The following STAU1 variants were observed in gnomAD, a reference collection of about 807,000 sequenced individuals.
STAU1 encodes the protein double-stranded RNA-binding protein Staufen homolog 1.
STAU1 carries 13 observed loss-of-function variants against 62.9 expected under a neutral mutation model. That is an observed-to-expected ratio of 0.21 (90% CI 0.13 to 0.33). The LOEUF (loss-of-function observed/expected upper bound fraction) is 0.33, where lower values mean the gene tolerates loss of function less well. Among genes scored for constraint, STAU1 ranks in the 10% least tolerant of loss-of-function variants. The pLI is 1.00. For synonymous variants in STAU1, 269 were observed against 265.1 expected, an observed-to-expected ratio of 1.01 and a Z score of -0.14; for missense variants, 571 against 712.1, an observed-to-expected ratio of 0.80 and a Z score of 2.25.
At chr20:49,135,959 C>A in intron 5 of STAU1, 28 bp from the exon 6 acceptor site, 1 of 1,575,322 alleles carries the variant, frequency 6.3e-7, no homozygotes, top group Non-Finnish European at 8.7e-7. Context: ...TAGTAGTTAG[C>A]TCTTATTAAA....
At chr20:49,133,866 CAG>C (rs1052820806) in intron 6 of STAU1, among the ~76,000 whole-genome samples, 1 of 152,110 alleles carries the variant, frequency 6.6e-6, no homozygotes, top group African/African-American at 2.4e-5. Flanking sequence ...CCATGGCAGG[CAG>C]AGAGGCATCA....
At chr20:49,156,878 ATT>A (rs3091610) in intron 3 of STAU1, among the ~76,000 whole-genome samples, 120 of 147,064 alleles carry the variant, frequency 8.2e-4, no homozygotes, top group African/African-American at 6.5e-4. Flanking sequence ...ATGCACTGAA[ATT>A]TTTTTTTTTT....
upstream of STAU1, among the ~76,000 whole-genome samples, chr20:49,190,985 T>G (rs1020394243): frequency 2.0e-5 from 3 of 149,762 alleles, no homozygotes; most frequent in Non-Finnish European, 4.4e-5. Context: ...GGCTCTCTGA[T>G]GCAAAGCTCA....
At chr20:49,144,534 C>T (rs2093081597) in intron 5 of STAU1, among the ~76,000 whole-genome samples, 1 of 152,162 alleles carries the variant, frequency 6.6e-6, no homozygotes, top group Admixed American at 6.6e-5. Flanking sequence ...GTGCTGCCAT[C>T]TATCTGTCTT....
rs749420210 is a variant in STAU1, at chr20:49,124,363, A to G, written c.822+12T>C. The stretch of plus-strand genomic sequence containing the variant: ...TAATGAAAACACCTTCTGTGTTCAG[A>G]AAAGTTCTCACCTTGACTATGGGTT... On this transcript the variant is annotated intron_variant, in intron 7 of 13. Transcript: ENST00000371856. The G allele has an allele frequency of 6.1e-5, 99 of 1,612,774 alleles. No homozygotes were observed. The highest frequency in any genetic ancestry group is 4.9e-4 in the Middle Eastern group (3 of 6,070).
intron 6 of STAU1, chr20:49,134,434 G>GAAAAACAAAAAAAAAAAAAAAAAA (rs2092826903): frequency 2.8e-6 from 1 of 361,966 alleles, no homozygotes; most frequent in African/African-American, 2.7e-5. Flanking sequence ...TCATCTCAGG[G>GAAAAACAAAAAAAAAAAAAAAAAA]AAAAAAAAAA....
intron 5 of STAU1, among the ~76,000 whole-genome samples, chr20:49,144,949 G>C (rs558668809): frequency 1.3e-5 from 2 of 152,216 alleles, no homozygotes; most frequent in African/African-American, 4.8e-5. Context: ...AGATCCCTAA[G>C]ATCCCATCAT....
At chr20:49,118,733 G>C (rs1014569821) in intron 9 of STAU1, among the ~76,000 whole-genome samples, 1 of 152,232 alleles carries the variant, frequency 6.6e-6, no homozygotes, top group East Asian at 1.9e-4. Flanking sequence ...CTAGACGGTA[G>C]AGCCCACCAA....
intron 6 of STAU1, among the ~76,000 whole-genome samples, chr20:49,126,201 C>G (rs951718254): frequency 6.6e-6 from 1 of 151,350 alleles, no homozygotes; most frequent in Non-Finnish European, 1.5e-5. Context: ...AAAAAAGTCA[C>G]ACTTAATCAA....
At chr20:49,200,494 G>A in the STAU1 span, among the ~76,000 whole-genome samples, 5 of 151,896 alleles carry the variant, frequency 3.3e-5, no homozygotes, top group Admixed American at 2.0e-4. Context: ...ACAGCTACTC[G>A]GGAGGCTGAG....
chr20:49,197,028 A>T, the STAU1 span, among the ~76,000 whole-genome samples: 1 of 151,702 alleles, frequency 6.6e-6, no homozygotes, highest in African/African-American at 2.4e-5. Context: ...GGCGGCATGC[A>T]CCTGTAGTCC....
intron 13 of STAU1, among the ~76,000 whole-genome samples, chr20:49,115,362 G>A (rs1300513317): frequency 2.6e-5 from 4 of 151,992 alleles, no homozygotes; most frequent in African/African-American, 7.3e-5. Context: ...GTGCAGTGGC[G>A]CTATGTCGGC....
At chr20:49,204,656 T>A in the STAU1 span, among the ~76,000 whole-genome samples, 632 of 60,386 alleles carry the variant, frequency 0.01, 2 homozygotes, top group Non-Finnish European at 0.013. Flanking sequence ...ATTTTTTTTT[T>A]TTTTTTTTTT....
the STAU1 span, among the ~76,000 whole-genome samples, chr20:49,194,676 C>A: frequency 3.2e-4 from 49 of 152,204 alleles, no homozygotes; most frequent in African/African-American, 1.2e-3. Flanking sequence ...CTCCTGGGTT[C>A]AAGCAATTCC....
At chr20:49,132,522 A>G (rs1470850545) in intron 6 of STAU1, among the ~76,000 whole-genome samples, 2 of 152,150 alleles carry the variant, frequency 1.3e-5, no homozygotes, top group Non-Finnish European at 2.9e-5. Context: ...ACTTTAGGAG[A>G]TCAAGGTGAG....
chr20:49,219,264 A>T, the STAU1 span: 1 of 1,347,046 alleles, frequency 7.4e-7, no homozygotes, highest in Non-Finnish European at 1.0e-6. Context: ...TGATGGCGTC[A>T]CACGAAACCA....
At chr20:49,134,241 G>C (rs1398158340) in intron 6 of STAU1, among the ~76,000 whole-genome samples, 1 of 151,932 alleles carries the variant, frequency 6.6e-6, no homozygotes. Context: ...AGACCAGCCT[G>C]ACCAATATGG....
At chr20:49,187,871 T>C (rs2093810296) in intron 1 of STAU1, among the ~76,000 whole-genome samples, 2 of 149,466 alleles carry the variant, frequency 1.3e-5, no homozygotes, top group South Asian at 2.2e-4. Flanking sequence ...AGCACCTGTT[T>C]GTGGCACCGG....
chr20:49,174,547 C>T (rs1454227747), intron 1 of STAU1, among the ~76,000 whole-genome samples: 1 of 151,630 alleles, frequency 6.6e-6, no homozygotes, highest in African/African-American at 2.4e-5. Flanking sequence ...TGATGAAACC[C>T]CATCTCTACT....
Sources: gnomAD v4.1 joint callset for allele counts (sites outside exome capture counted in the v4.1 genomes callset) on GRCh38, gnomAD v4.1.1 for gene constraint, MANE v1.5 for transcripts, NCBI Gene and HGNC (gene_info 2026-07-23, HGNC 2026-07-21) for gene names.